Variants in ECM2 observed in about 807,000 individuals in gnomAD.
ECM2 encodes extracellular matrix protein 2.
Under a neutral mutation model 67.5 loss-of-function variants are expected in ECM2, and 57 were observed. That is an observed-to-expected ratio of 0.84 (90% CI 0.68 to 1.05). The LOEUF (loss-of-function observed/expected upper bound fraction) is 1.05. ECM2 is among the 50% of genes least tolerant of loss of function. The probability of loss-of-function intolerance (pLI) is 0.00; values close to 1 mark genes in which losing one functional copy is unlikely to be tolerated. For synonymous variants in ECM2, 258 were observed against 294.5 expected, an observed-to-expected ratio of 0.88 and a Z score of 1.27; for missense variants, 741 against 822.8, an observed-to-expected ratio of 0.90 and a Z score of 1.22.
the ECM2 span, among the ~76,000 whole-genome samples, chr9:92,547,664 A>T: frequency 6.6e-6 from 1 of 152,232 alleles, no homozygotes. Flanking sequence ...GGGGGTAAGA[A>T]GATAGGGAAT....
chr9:92,554,349 A>G, the ECM2 span, among the ~76,000 whole-genome samples: 2 of 151,820 alleles, frequency 1.3e-5, no homozygotes, highest in African/African-American at 4.8e-5. Flanking sequence ...ACTCCCAGCT[A>G]ATTTTTTGTA....
At chr9:92,523,940 A>G (rs571991032) in intron 1 of ECM2, among the ~76,000 whole-genome samples, 14 of 152,338 alleles carry the variant, frequency 9.2e-5, no homozygotes, top group African/African-American at 3.1e-4. Context: ...CAGGCACTCC[A>G]TAAGCCTTTT....
At chr9:92,523,897 C>T (rs140741126) in intron 1 of ECM2, among the ~76,000 whole-genome samples, 6,055 of 152,296 alleles carry the variant, frequency 0.04, 185 homozygotes, top group South Asian at 0.099. Flanking sequence ...CTTTCCACAA[C>T]TTATTGTCCC....
the ECM2 span, among the ~76,000 whole-genome samples, chr9:92,550,546 G>GTT: frequency 6.8e-6 from 1 of 148,110 alleles, no homozygotes; most frequent in African/African-American, 2.5e-5. Context: ...TCTTAGACCT[G>GTT]TTTTTTTTTT....
At chr9:92,497,994 C>T (rs1254898083) in intron 9 of ECM2, among the ~76,000 whole-genome samples, 2 of 152,080 alleles carry the variant, frequency 1.3e-5, no homozygotes, top group Non-Finnish European at 2.9e-5. Context: ...AGCCTGAAGG[C>T]CCTCACCAGA....
At chr9:92,525,718 C>T (rs1848354055) in intron 1 of ECM2, among the ~76,000 whole-genome samples, 1 of 151,874 alleles carries the variant, frequency 6.6e-6, no homozygotes, top group Admixed American at 6.6e-5. Context: ...TGGTGAAACC[C>T]CATCTCTACT....
At position 92,517,818 on chromosome 9, in the gene ECM2, G is replaced by A. The variant is rs149220459; in HGVS notation, c.350C>T (p.Ser117Leu). 5 of 1,614,080 alleles carry A rather than the reference G, an allele frequency of 3.1e-6. No homozygotes were observed. The highest frequency in any genetic ancestry group is 2.2e-5 in the East Asian group (1 of 44,876). ...GITMYNKAVWSPEPCTTCLCS... is the reference protein window; with the variant it reads ...GITMYNKAVWLPEPCTTCLCS... ...GAGGCAGGTAGTGCAGGGCTCAGGC[G>A]ACCACACAGCTTTGTTGTACATGGT... The change falls in exon 3 of 10, where the codon TCG (serine) becomes TTG (leucine). Residue 117 changes from serine (S) to leucine (L), a missense_variant. Coordinates refer to ENST00000344604, the MANE Select transcript of ECM2 (RefSeq NM_001393.4).
chr9:92,505,545 A>G lies in ECM2; in HGVS notation c.1452T>C (p.Pro484=), dbSNP rs148225586. The change falls in exon 7 of 10, where the codon CCT becomes CCC. Residue 484 remains proline, a synonymous_variant. Coordinates refer to ENST00000344604, the MANE Select transcript of ECM2 (RefSeq NM_001393.4). ...AATATATTGTTACCTCAATAGAACC[A>G]GGAAGACCCTGCGGTATAATTCTAA... The part of the protein sequence containing the change: ...NKFRIIPQGL[P]GSIEELYLEN... 305 of 1,599,832 alleles carry G rather than the reference A, an allele frequency of 1.9e-4. 1 individual carries two copies. The highest frequency in any genetic ancestry group is 2.4e-4 in the Non-Finnish European group (284 of 1,176,554).
chr9:92,517,581 A>G, intron 3 of ECM2, 106 bp downstream of exon 3: 1 of 1,473,110 alleles, frequency 6.8e-7, no homozygotes, highest in Non-Finnish European at 9.3e-7. Context: ...TTAAGTACTC[A>G]GATCTGACTA....
chr9:92,496,560 T>TA (rs1346823978), intron 9 of ECM2, 77 bp from the exon 10 acceptor site: 8 of 1,535,258 alleles, frequency 5.2e-6, no homozygotes, highest in African/African-American at 2.8e-5. Context: ...TAACATTTGT[T>TA]AAAAAAATTT....
At chr9:92,556,320 T>C in the ECM2 span, among the ~76,000 whole-genome samples, 1 of 152,208 alleles carries the variant, frequency 6.6e-6, no homozygotes, top group African/African-American at 2.4e-5. Context: ...ATGGTCTATC[T>C]TGGAGAAAGT....
At chr9:92,546,046 G>C in the ECM2 span, among the ~76,000 whole-genome samples, 2 of 151,788 alleles carry the variant, frequency 1.3e-5, no homozygotes, top group African/African-American at 4.8e-5. Context: ...GTCTAGCTCA[G>C]GGTTTGCAAA....
chr9:92,497,712 A>G (rs1260281809), intron 9 of ECM2, among the ~76,000 whole-genome samples: 1 of 151,694 alleles, frequency 6.6e-6, no homozygotes, highest in African/African-American at 2.4e-5. Flanking sequence ...TGACCCCTCC[A>G]AATCTCATGT....
chr9:92,518,099 C>A (rs2131223846), intron 2 of ECM2, among the ~76,000 whole-genome samples: 1 of 152,270 alleles, frequency 6.6e-6, no homozygotes, highest in African/African-American at 2.4e-5. Flanking sequence ...GAGTGAACTC[C>A]TCATGGTAAC....
At chr9:92,545,590 C>T in the ECM2 span, among the ~76,000 whole-genome samples, 2 of 152,230 alleles carry the variant, frequency 1.3e-5, no homozygotes, top group Admixed American at 6.5e-5. Flanking sequence ...CCTGCTCCAC[C>T]GCGTCCAGTC....
rs1846957229 is a variant in ECM2, at chr9:92,505,658, C to T, written c.1339G>A (p.Gly447Arg). The T allele has an allele frequency of 6.2e-7, 1 of 1,604,564 alleles. No individual in the cohort carries two copies. Among genetic ancestry groups the T allele is most frequent in the African/African-American group, 1.3e-5 (1 of 74,338 alleles). The stretch of plus-strand genomic sequence containing the variant: ...ACATTGGCTTCACTGAGATTGTTTC[C>T]TTCCAATTCTAAGGTGACCAACTGA... ...LNQLVTLELE[G>R]NNLSEANVNP... Residue 447 changes from glycine (G) to arginine (R), a missense_variant, in exon 7 of 10, where the codon GGA becomes AGA. By Grantham distance (125) the Gly-to-Arg change is moderately radical. Coordinates refer to ENST00000344604, the MANE Select transcript of ECM2 (RefSeq NM_001393.4).
At chr9:92,546,334 C>T in the ECM2 span, among the ~76,000 whole-genome samples, 10 of 152,312 alleles carry the variant, frequency 6.6e-5, no homozygotes, top group African/African-American at 1.7e-4. Flanking sequence ...CACCAGAGGT[C>T]CCCTTCCACT....
At chr9:92,532,029 A>ATTTTTTTTTTTTTTTTTTTTTTTT (rs201461115) in intron 1 of ECM2, among the ~76,000 whole-genome samples, 1 of 91,050 alleles carries the variant, frequency 1.1e-5, no homozygotes, top group Non-Finnish European at 2.1e-5. Flanking sequence ...TTTTTTTTTT[A>ATTTTTTTTTTTTTTTTTTTTTTTT]TTTTATTTTT....
intron 4 of ECM2, among the ~76,000 whole-genome samples, chr9:92,512,813 T>TTTTATA (rs1341509838): frequency 6.6e-6 from 1 of 152,216 alleles, no homozygotes; most frequent in Non-Finnish European, 1.5e-5. Context: ...CATAACAGTG[T>TTTTATA]AGCTCAGCAT....
Sources: gnomAD v4.1 joint callset for allele counts (sites outside exome capture counted in the v4.1 genomes callset) on GRCh38, gnomAD v4.1.1 for gene constraint, MANE v1.5 for transcripts, NCBI Gene and HGNC (gene_info 2026-07-23, HGNC 2026-07-21) for gene names.